The following POLN variants were observed in gnomAD, a reference collection of about 807,000 sequenced individuals.
POLN encodes the protein DNA polymerase N.
POLN carries 108 observed loss-of-function variants against 113.5 expected under a neutral mutation model. The ratio of observed to expected loss-of-function variants is 0.95; its 90% CI spans 0.81 to 1.12. The LOEUF (loss-of-function observed/expected upper bound fraction) is 1.12. POLN is among the 50% of genes most tolerant of loss of function. The pLI, the probability that POLN is intolerant of heterozygous loss-of-function variation, is 0.00. For missense variants in POLN, 1,097 were observed against 1,077.1 expected (o/e 1.02, Z -0.26); for synonymous variants, 386 against 391.5 (o/e 0.99, Z 0.17).
chr4:2,215,340 C>T (rs569179580), intron 3 of POLN, among the ~76,000 whole-genome samples: 6 of 152,218 alleles, frequency 3.9e-5, no homozygotes, highest in Admixed American at 6.5e-5. Context: ...GAAGATGTTA[C>T]GCACATAACA....
chr4:2,229,042 T>C lies in POLN; in HGVS notation c.133+57A>G, dbSNP rs1734483867. The C allele has an allele frequency of 6.7e-6, 10 of 1,494,292 alleles. No homozygotes were observed. The Admixed American group carries it at 2.0e-4, about 29-fold the overall frequency. 92.6% of individuals were successfully genotyped at this position (1,494,292 alleles called of 1,614,324 possible). On this transcript the variant is annotated intron_variant, in intron 3 of 25. Transcript: ENST00000511885. ...CATTCCATTTTCAATTCTTAGTCTTTAGAACAATTAACATTCAAAGTATCA... is the reference window on the plus strand; with the variant it reads ...CATTCCATTTTCAATTCTTAGTCTTCAGAACAATTAACATTCAAAGTATCA...
chr4:2,086,533 A>T lies in POLN; in HGVS notation c.2066-789T>A, dbSNP rs545000892. On this transcript the variant is annotated intron_variant, in intron 20 of 25. Coordinates refer to ENST00000511885, the MANE Select transcript of POLN (RefSeq NM_181808.4). ...CCTCAGCTGGGAGCCCCATGAGCTA[A>T]GGCATGGGAAGTTCTAAGCAGTGTG... is the stretch of plus-strand genomic sequence containing the variant. Among the ~76,000 whole-genome samples the T allele has an allele frequency of 5.3e-5, 8 of 152,272 alleles. No individual in the cohort carries two copies. The South Asian group carries it at 1.7e-3, about 32-fold the overall frequency.
chr4:2,115,105 T>C (rs911625926), intron 19 of POLN, among the ~76,000 whole-genome samples: 1 of 151,688 alleles, frequency 6.6e-6, no homozygotes, highest in Non-Finnish European at 1.5e-5. Context: ...TGGACTGCAA[T>C]GGTGTGATCT....
At chr4:2,239,145 C>A in intron 2 of POLN, 2 of 569,812 alleles carry the variant, frequency 3.5e-6, no homozygotes, top group Non-Finnish European at 5.8e-6. Context: ...ATAATAAGCT[C>A]AATGAATGAA....
At chr4:2,179,240 A>G (rs1733072407) in intron 8 of POLN, 68 bp downstream of exon 8, 1 of 1,421,840 alleles carries the variant, frequency 7.0e-7, no homozygotes, top group African/African-American at 1.5e-5. Context: ...CTATCAATAA[A>G]ATAGAAAAAG....
intron 16 of POLN, among the ~76,000 whole-genome samples, chr4:2,156,093 A>C (rs1378709217): frequency 6.6e-6 from 1 of 152,122 alleles, no homozygotes; most frequent in Non-Finnish European, 1.5e-5. Context: ...CGGCCTCCCA[A>C]AGTGCTGGGA....
At chr4:2,186,723 G>A (rs1239461331) in intron 7 of POLN, among the ~76,000 whole-genome samples, 1 of 152,188 alleles carries the variant, frequency 6.6e-6, no homozygotes, top group Non-Finnish European at 1.5e-5. Context: ...ACATTCACAA[G>A]AAATAATAGC....
At chr4:2,239,358 C>G (rs1486060760) in intron 2 of POLN, among the ~76,000 whole-genome samples, 1 of 152,118 alleles carries the variant, frequency 6.6e-6, no homozygotes, top group Non-Finnish European at 1.5e-5. Flanking sequence ...GTATATGTTA[C>G]TAGTTTTTCT....
At chr4:2,133,854 A>G (rs890430205) in intron 16 of POLN, among the ~76,000 whole-genome samples, 2 of 152,160 alleles carry the variant, frequency 1.3e-5, no homozygotes, top group African/African-American at 2.4e-5. Context: ...TTCATAAATG[A>G]CTTTTAAAAA....
chr4:2,129,786 GAAAAGA>G (rs1003150221), intron 17 of POLN, among the ~76,000 whole-genome samples: 2 of 152,038 alleles, frequency 1.3e-5, no homozygotes, highest in Admixed American at 6.6e-5. Flanking sequence ...TCTTAATGAA[GAAAAGA>G]AAAAGTCAAA....
intron 3 of POLN, chr4:2,227,580 C>G (rs193001562): frequency 6.6e-6 from 1 of 152,272 alleles, no homozygotes; most frequent in African/African-American, 2.4e-5. Flanking sequence ...AGTATCATAT[C>G]TTTTTCTATT....
chr4:2,217,948 G>T lies in POLN; in HGVS notation c.134-4822C>A, dbSNP rs900489463. Among the ~76,000 whole-genome samples the T allele has an allele frequency of 2.0e-5, 3 of 152,222 alleles. No individual in the cohort carries two copies. In the East Asian group the frequency reaches 5.8e-4, roughly 29 times the overall value. ...TCTTAATGGTTATGTGGTTAACCAC[G>T]TTGCAGGATGACTCGACCAGTTAAC... On this transcript the variant is annotated intron_variant, in intron 3 of 25. Coordinates refer to ENST00000511885, the MANE Select transcript of POLN (RefSeq NM_181808.4).
At chr4:2,086,074 G>C (rs34712754) in intron 20 of POLN, among the ~76,000 whole-genome samples, 4 of 152,202 alleles carry the variant, frequency 2.6e-5, no homozygotes, top group Non-Finnish European at 2.9e-5. Context: ...CAGAGGAAAA[G>C]AGGAAGGGGA....
chr4:2,175,075 T>G (rs1031057614), intron 9 of POLN, among the ~76,000 whole-genome samples: 5 of 152,234 alleles, frequency 3.3e-5, no homozygotes, highest in East Asian at 1.9e-4. Flanking sequence ...CTGCCCACCT[T>G]GGCCTCCCGA....
chr4:2,183,434 A>ATATTAT (rs1733191653), intron 7 of POLN, among the ~76,000 whole-genome samples: 1 of 152,254 alleles, frequency 6.6e-6, no homozygotes, highest in South Asian at 2.1e-4. Flanking sequence ...CAAAATATGA[A>ATATTAT]TATTATTCAG....
chr4:2,085,697 C>T lies in POLN; in HGVS notation c.2113G>A (p.Ala705Thr). 6.2e-7 allele frequency: 1 copy of T among 1,614,102 alleles called. No individual in the cohort carries two copies. Among genetic ancestry groups the T allele is most frequent in the Non-Finnish European group, 8.5e-7 (1 of 1,180,030 alleles). The change falls in exon 21 of 26, where the codon GCC becomes ACC. Residue 705 changes from alanine (A) to threonine (T), a missense_variant. Coordinates refer to ENST00000511885, the MANE Select transcript of POLN (RefSeq NM_181808.4). ...TGCAAAAAACTCTCCAAAAACTGGGCAGCTTCCTGAATAGGAACTCCAAGG... is the reference window on the plus strand; with the variant it reads ...TGCAAAAAACTCTCCAAAAACTGGGTAGCTTCCTGAATAGGAACTCCAAGG... Reference protein sequence around the residue: ...ACLGVPIQEAAQFLESFLQKY... With the variant: ...ACLGVPIQEATQFLESFLQKY...
chr4:2,197,776 T>G (rs1299520170), intron 6 of POLN, among the ~76,000 whole-genome samples: 1 of 152,218 alleles, frequency 6.6e-6, no homozygotes, highest in African/African-American at 2.4e-5. Flanking sequence ...TGAGCCTGTA[T>G]GAAGCATGGA....
At chr4:2,150,081 T>TCAAAAA (rs1235790383) in intron 16 of POLN, among the ~76,000 whole-genome samples, 3 of 150,952 alleles carry the variant, frequency 2.0e-5, no homozygotes, top group South Asian at 4.2e-4. Context: ...AGACTCCATC[T>TCAAAAA]CAAAAACAAA....
Position 2,089,947 on chromosome 4 carries a change from A to C in POLN, c.2066-4203T>G, listed in dbSNP as rs765268760. On this transcript the variant is annotated intron_variant, in intron 20 of 25. Transcript: ENST00000511885. ...ATCAGGAATTAAGTTAGCTAGTGAAAGTTCTTTTGTTAACCTACATGATTC... is the reference window on the plus strand; with the variant it reads ...ATCAGGAATTAAGTTAGCTAGTGAACGTTCTTTTGTTAACCTACATGATTC... The C allele has an allele frequency of 1.5e-5, 15 of 985,220 alleles. No individual in the cohort carries two copies. In the South Asian group the frequency reaches 1.6e-4, roughly 10 times the overall value. The allele number at this position is 985,220 out of a possible 1,614,324, so 61.0% of individuals were successfully genotyped here.
Sources: gnomAD v4.1 joint callset for allele counts (sites outside exome capture counted in the v4.1 genomes callset) on GRCh38, gnomAD v4.1.1 for gene constraint, MANE v1.5 for transcripts, NCBI Gene and HGNC (gene_info 2026-07-23, HGNC 2026-07-21) for gene names.